AGL: variants seen among roughly 807,000 people sequenced by gnomAD.
The protein encoded by AGL is glycogen debranching enzyme.
In AGL, 128 loss-of-function variants were observed where a neutral mutation model predicts 199.3. The observed-to-expected ratio is 0.64, with a 90% CI of 0.56 to 0.74. The LOEUF (loss-of-function observed/expected upper bound fraction) is 0.74, where lower values mean the gene tolerates loss of function less well. AGL is among the 30% of genes least tolerant of loss of function. The probability of loss-of-function intolerance (pLI) is 0.00; values close to 1 mark genes in which losing one functional copy is unlikely to be tolerated. For missense variants in AGL, 1,809 were observed against 1,820.8 expected, an observed-to-expected ratio of 0.99 and a Z score of 0.12; for synonymous variants, 584 against 594.7, an observed-to-expected ratio of 0.98 and a Z score of 0.26.
At chr1:99,902,877 T>G in intron 27 of AGL, 83 bp downstream of exon 27, 1 of 1,046,990 alleles carries the variant, frequency 9.6e-7, no homozygotes, top group South Asian at 1.3e-5. Flanking sequence ...TAAATATTTG[T>G]GTGCCAAACC....
chr1:99,912,675 T>C (rs751042423), intron 29 of AGL, among the ~76,000 whole-genome samples, 158 bp downstream of exon 29: 1 of 152,206 alleles, frequency 6.6e-6, no homozygotes, highest in Non-Finnish European at 1.5e-5. Context: ...ATTGTAACAA[T>C]TCTAGTTGAA....
Position 99,916,380 on chromosome 1 carries a change from TATTTAACTTAA to T in AGL, c.4260-25_4260-15del, listed in dbSNP as rs1655114200. The T allele has an allele frequency of 6.6e-7, 1 of 1,506,856 alleles. No individual in the cohort carries two copies. The highest frequency in any genetic ancestry group is 9.2e-7 in the Non-Finnish European group (1 of 1,088,362). 93.3% of individuals were successfully genotyped at this position (1,506,856 alleles called of 1,614,324 possible). On this transcript the variant is annotated intron_variant, in intron 31 of 33. Transcript: ENST00000361915. ...TTTTACATAATATCTGATCATCTTT[TATTTAACTTAA>T]ATTTCAATCATTTTGCAGTGATATG...
intron 33 of AGL, among the ~76,000 whole-genome samples, chr1:99,917,478 A>C (rs551815513): frequency 2.0e-5 from 3 of 152,262 alleles, no homozygotes; most frequent in Non-Finnish European, 4.4e-5. Flanking sequence ...TTTCTTGTAC[A>C]TAGTAGCATG....
intron 2 of AGL, among the ~76,000 whole-genome samples, chr1:99,860,879 C>G (rs1301270279): frequency 2.0e-5 from 3 of 152,180 alleles, no homozygotes; most frequent in African/African-American, 7.2e-5. Context: ...TTCCCACCAC[C>G]CTAGTCAGTT....
chr1:99,884,803 C>G lies in AGL; in HGVS notation c.2681+100C>G. ...AAGGGTCCTCTATATCCTTGCTACT[C>G]AAAGTACGGTCCAAGGACCAGCAGT... On this transcript the variant is annotated intron_variant, in intron 20 of 33. Transcript: ENST00000361915. 5 of 1,419,984 alleles carry G rather than the reference C, an allele frequency of 3.5e-6. No homozygotes were observed. The South Asian group carries it at 4.6e-5, about 13-fold the overall frequency. The allele number at this position is 1,419,984 out of a possible 1,614,324, so 88.0% of individuals were successfully genotyped here. A position where few individuals can be genotyped will look rare whatever the true frequency, so the allele number is the denominator to read the frequency against.
At chr1:99,902,571 T>C in intron 26 of AGL, 112 bp from the exon 27 acceptor site, 1 of 868,034 alleles carries the variant, frequency 1.2e-6, no homozygotes, top group Admixed American at 1.9e-5. Flanking sequence ...AATTCCTATT[T>C]CTCACTTCAA....
At chr1:99,888,242 T>C (rs570825224) in intron 21 of AGL, 134 bp downstream of exon 21, 25 of 1,153,934 alleles carry the variant, frequency 2.2e-5, no homozygotes, top group South Asian at 1.9e-4. Context: ...TGCTCATTAA[T>C]TGACCTTTGG....
Position 99,923,251 on chromosome 1 carries a change from T to C in AGL, c.*1600T>C, listed in dbSNP as rs1407662753. The C allele has an allele frequency of 6.6e-6, 1 of 152,148 alleles. No homozygotes were observed. The highest frequency in any genetic ancestry group is 1.5e-5 in the Non-Finnish European group (1 of 67,988). The allele number at this position is 152,148 out of a possible 1,614,324, so 9.4% of individuals were successfully genotyped here. A position where few individuals can be genotyped will look rare whatever the true frequency, so the allele number is the denominator to read the frequency against. On this transcript the variant is annotated 3_prime_UTR_variant, in exon 34 of 34. Coordinates refer to ENST00000361915, the MANE Select transcript of AGL (RefSeq NM_000642.3). ...TCTTCAGTTCCTTCCTTGTTCAATA[T>C]ATACCCTTCTCTAAACTGTGCGGGT...
intron 21 of AGL, among the ~76,000 whole-genome samples, chr1:99,889,203 G>A (rs1175980668): frequency 2.6e-5 from 4 of 152,126 alleles, no homozygotes; most frequent in African/African-American, 4.8e-5. Flanking sequence ...GAAATTGTTA[G>A]CCTTAAAACC....
intron 2 of AGL, among the ~76,000 whole-genome samples, chr1:99,857,969 A>G (rs1649708196): frequency 6.6e-6 from 1 of 152,202 alleles, no homozygotes; most frequent in African/African-American, 2.4e-5. Context: ...TTTGTATGTC[A>G]GATAAGTTAC....
intron 12 of AGL, among the ~76,000 whole-genome samples, chr1:99,879,493 A>G (rs1468626286): frequency 6.6e-6 from 1 of 152,078 alleles, no homozygotes; most frequent in Admixed American, 6.6e-5. Flanking sequence ...CTGAGGCTGG[A>G]GAATTTCTTG....
chr1:99,900,890 GTTTTTTTTT>G lies in AGL; in HGVS notation c.3588+36_3588+44del. The G allele has an allele frequency of 6.1e-6, 8 of 1,307,086 alleles. 1 individual carries two copies. The Admixed American group carries it at 1.6e-4, about 26-fold the overall frequency. 81.0% of individuals were successfully genotyped at this position (1,307,086 alleles called of 1,614,324 possible). Reference sequence around the variant, plus strand: ...AAGATATTTCTTAAAATGTTTTTTTGTTTTTTTTTTTTTTTCTGAAAAATGACTTTTAGT... The same window carrying G: ...AAGATATTTCTTAAAATGTTTTTTTGTTTTTTCTGAAAAATGACTTTTAGT... On this transcript the variant is annotated intron_variant, in intron 26 of 33. Transcript: ENST00000361915.
rs368705786 is a variant in AGL at position 99,915,611 on chromosome 1, TA to T, written c.4259+135del. On this transcript the variant is annotated intron_variant, in intron 31 of 33. Transcript: ENST00000361915. ...ATGCCATCTCTACAAAAATAAAAGT[TA>T]AAAAAAAAATTAGTTGGGAGAGATT... 4,019 of 732,412 alleles carry T rather than the reference TA, an allele frequency of 5.5e-3. 42 individuals carry two copies. Among genetic ancestry groups the T allele is most frequent in the African/African-American group, 0.039 (2,131 of 54,584 alleles). 45.4% of individuals were successfully genotyped at this position (732,412 alleles called of 1,614,324 possible).
intron 4 of AGL, among the ~76,000 whole-genome samples, chr1:99,863,653 C>G (rs753466555): frequency 6.6e-6 from 1 of 151,490 alleles, no homozygotes; most frequent in Non-Finnish European, 1.5e-5. Context: ...CAGGGTTTCA[C>G]GGTGTTAGGA....
Position 99,880,650 on chromosome 1 carries a change from A to G in AGL, c.1754A>G (p.Asn585Ser), listed in dbSNP as rs1651934183. 6.2e-7 allele frequency: 1 copy of G among 1,613,884 alleles called. No homozygotes were observed. ...SLIREAMSAY[N>S]SHEEGRLVYR... is the part of the protein sequence containing the mutation. ...TCTGCAGAGGCAATGAGTGCATATA[A>G]TAGTCATGAAGAGGGCAGATTAGTT... Residue 585 changes from asparagine to serine, a missense_variant, in exon 14 of 34, where the codon AAT (asparagine) becomes AGT (serine). Asn to Ser is a conservative substitution (Grantham distance 46). Coordinates refer to ENST00000361915, the MANE Select transcript of AGL (RefSeq NM_000642.3).
chr1:99,910,744 A>G lies in AGL; in HGVS notation c.3733A>G (p.Thr1245Ala), dbSNP rs756948900. The G allele has an allele frequency of 4.3e-6, 7 of 1,610,850 alleles. No homozygotes were observed. The South Asian group carries it at 5.5e-5, about 13-fold the overall frequency. Residue 1245 changes from threonine to alanine, a missense_variant, in exon 28 of 34, where the codon ACA (threonine) becomes GCA (alanine). Physicochemically the swap from Thr to Ala is moderately conservative, Grantham distance 58. Transcript: ENST00000361915. The stretch of plus-strand genomic sequence containing the variant: ...TATAACTGCAGGAGTTGATGAAGAA[A>G]CAGGATTTGTTTATGGAGGAAATCG... ...FNITAGVDEE[T>A]GFVYGGNRFN... is the part of the protein sequence containing the mutation.
At chr1:99,880,197 C>A in intron 13 of AGL, 151 bp downstream of exon 13, 1 of 1,264,298 alleles carries the variant, frequency 7.9e-7, no homozygotes. Flanking sequence ...TAATATAACT[C>A]AGTCTATTTT....
chr1:99,898,171 T>C (rs895337776), intron 25 of AGL, among the ~76,000 whole-genome samples: 5 of 151,784 alleles, frequency 3.3e-5, no homozygotes, highest in African/African-American at 9.7e-5. Context: ...CTCAGCCTCC[T>C]GAGTAGCTGG....
At chr1:99,867,703 G>A (rs1425111506) in intron 5 of AGL, among the ~76,000 whole-genome samples, 1 of 151,922 alleles carries the variant, frequency 6.6e-6, no homozygotes, top group African/African-American at 2.4e-5. Context: ...TTACAGGTAT[G>A]AGCCACCATG....
Sources: gnomAD v4.1 joint callset for allele counts (sites outside exome capture counted in the v4.1 genomes callset) on GRCh38, gnomAD v4.1.1 for gene constraint, MANE v1.5 for transcripts, NCBI Gene and HGNC (gene_info 2026-07-23, HGNC 2026-07-21) for gene names.